ABCA5: variants seen among roughly 807,000 people sequenced by gnomAD.
The protein encoded by ABCA5 is cholesterol transporter ABCA5.
ABCA5 carries 163 observed loss-of-function variants against 206.0 expected under a neutral mutation model. That is an observed-to-expected ratio of 0.79 (90% confidence interval 0.70 to 0.90). The LOEUF (loss-of-function observed/expected upper bound fraction) is 0.90, where lower values mean the gene tolerates loss of function less well. Ranked by LOEUF, ABCA5 falls within the 40% of genes least tolerant of loss-of-function variation. ABCA5 has a pLI of 0.00. For synonymous variants in ABCA5, 609 were observed against 613.8 expected (o/e 0.99, Z 0.11); for missense variants, 1,859 against 1,912.9 (o/e 0.97, Z 0.53).
At chr17:69,258,872 T>C (rs2075113389) in intron 28 of ABCA5, among the ~76,000 whole-genome samples, 2 of 152,094 alleles carry the variant, frequency 1.3e-5, no homozygotes, top group Non-Finnish European at 2.9e-5. Context: ...TGATGAATCA[T>C]GTAAGCAAGG....
intron 35 of ABCA5, 82 bp downstream of exon 35, chr17:69,251,665 A>G (rs1489377354): frequency 2.0e-6 from 3 of 1,516,730 alleles, no homozygotes; most frequent in African/African-American, 2.8e-5. Flanking sequence ...ATTACTAACT[A>G]TTGCCATGTT....
chr17:69,326,547 C>T lies in ABCA5; in HGVS notation c.-16+505G>A, dbSNP rs553917112. ...TGTCATGAGATCTGCGCATTTTCTT[C>T]TCACTGAAACTCCTTTTAACACGCA... On this transcript the variant is annotated intron_variant, in intron 1 of 38. Coordinates refer to ENST00000392676, the MANE Select transcript of ABCA5 (RefSeq NM_172232.4). This position sits in a 1 kb window ranked among gnomAD's most constrained non-coding sequence, Gnocchi z 4.8. Among the ~76,000 whole-genome samples the T allele has an allele frequency of 4.6e-5, 7 of 152,326 alleles. No individual in the cohort carries two copies. The East Asian group carries it at 9.7e-4, about 21-fold the overall frequency.
intron 20 of ABCA5, among the ~76,000 whole-genome samples, chr17:69,273,712 T>C (rs527481684): frequency 6.6e-6 from 1 of 152,150 alleles, no homozygotes; most frequent in East Asian, 1.9e-4. Context: ...CGCCTTGGCC[T>C]CCCAAAGTGC....
chr17:69,278,320 T>G (rs529270056), intron 18 of ABCA5, among the ~76,000 whole-genome samples: 3 of 152,200 alleles, frequency 2.0e-5, no homozygotes, highest in Non-Finnish European at 4.4e-5. Context: ...CTGTATAATA[T>G]CCAACTTTTA....
chr17:69,307,855 T>G (rs547664743), intron 5 of ABCA5, among the ~76,000 whole-genome samples: 10 of 152,246 alleles, frequency 6.6e-5, no homozygotes, highest in African/African-American at 2.2e-4. Flanking sequence ...GACAAGATGG[T>G]TGATATACAT....
chr17:69,266,074 T>C (rs940299586), intron 23 of ABCA5, among the ~76,000 whole-genome samples: 1 of 152,082 alleles, frequency 6.6e-6, no homozygotes, highest in Non-Finnish European at 1.5e-5. Context: ...ATCCATACCA[T>C]GGAATATTAC....
chr17:69,291,782 T>C (rs545503385), intron 11 of ABCA5, among the ~76,000 whole-genome samples: 124 of 152,192 alleles, frequency 8.1e-4, no homozygotes, highest in African/African-American at 2.9e-3. Flanking sequence ...AGACAGGAGA[T>C]GGGGACCTGA....
intron 9 of ABCA5, among the ~76,000 whole-genome samples, chr17:69,298,610 T>C (rs551226): frequency 0.96 from 146,278 of 152,166 alleles, 70,586 homozygotes; most frequent in East Asian, 1. Flanking sequence ...ACACCCTATT[T>C]AACAAATGGT....
At chr17:69,256,456 CTT>C (rs563994135) in intron 28 of ABCA5, among the ~76,000 whole-genome samples, 173 bp from the exon 29 acceptor site, 37 of 137,678 alleles carry the variant, frequency 2.7e-4, no homozygotes, top group Middle Eastern at 3.7e-3. Context: ...TTCTTTCTTT[CTT>C]TTTTTTTTTT....
In ABCA5 at chr17:69,268,160, A is replaced by C. The variant is rs2075232331; in HGVS notation, c.3031-104T>G. 6.9e-6 allele frequency: 4 copies of C among 577,854 alleles called. No homozygotes were observed. In the Admixed American group the frequency reaches 1.3e-4, roughly 19 times the overall value. The allele number at this position is 577,854 out of a possible 1,614,324, so 35.8% of individuals were successfully genotyped here. On this transcript the variant is annotated intron_variant, in intron 22 of 38. Coordinates refer to ENST00000392676, the MANE Select transcript of ABCA5 (RefSeq NM_172232.4). The stretch of plus-strand genomic sequence containing the variant: ...ATCAAAAAAAAATCAAAACCTCAGA[A>C]AGAATGTATTAGAATATCTAACCCA...
chr17:69,292,809 T>C (rs1362180418), intron 11 of ABCA5, among the ~76,000 whole-genome samples: 2 of 152,146 alleles, frequency 1.3e-5, no homozygotes, highest in Admixed American at 6.5e-5. Context: ...ACACTGCTAG[T>C]AGAATTAAAA....
chr17:69,269,045 C>A (rs1010752318), intron 22 of ABCA5, among the ~76,000 whole-genome samples: 1 of 152,098 alleles, frequency 6.6e-6, no homozygotes, highest in Non-Finnish European at 1.5e-5. Context: ...AATGAAGAAA[C>A]AAATTTGAAA....
At chr17:69,303,871 C>T (rs1264644483) in intron 7 of ABCA5, among the ~76,000 whole-genome samples, 3 of 97,148 alleles carry the variant, frequency 3.1e-5, no homozygotes, top group African/African-American at 8.7e-5. Flanking sequence ...TATATATATA[C>T]ATATATACAT....
At position 69,291,192 on chromosome 17, in the gene ABCA5, TTTTC is replaced by T. The variant is rs2075522589; in HGVS notation, c.1606+20_1606+23del. On this transcript the variant is annotated intron_variant, in intron 12 of 38. Transcript: ENST00000392676. ...AAAGAATATATATAATGAAGTTTTT[TTTTC>T]TTTAAGACAGAAAACTCACCATCAG... The T allele has an allele frequency of 5.4e-6, 8 of 1,490,746 alleles. No homozygotes were observed. The highest frequency in any genetic ancestry group is 1.4e-5 in the African/African-American group (1 of 70,386). 92.3% of individuals were successfully genotyped at this position (1,490,746 alleles called of 1,614,324 possible).
chr17:69,287,875 C>A, intron 14 of ABCA5, 124 bp from the exon 15 acceptor site: 2 of 897,840 alleles, frequency 2.2e-6, no homozygotes, highest in South Asian at 7.5e-5. Flanking sequence ...TATATTAGAT[C>A]AGATTTTTTC....
rs1446694955 is a variant in ABCA5, at chr17:69,289,249, G to A, written c.1830C>T (p.Asn610=). ...LDLDMQTIKD[N]QAKKLSGGQK... is the part of the protein sequence containing the mutation. ...GACCACCACTTAATTTTTTAGCTTG[G>A]TTATCTTTGATAGTCTGCATGTCTA... The change falls in exon 14 of 39, where the codon AAC becomes AAT. Residue 610 remains asparagine, a synonymous_variant. Coordinates refer to ENST00000392676, the MANE Select transcript of ABCA5 (RefSeq NM_172232.4). The A allele has an allele frequency of 6.2e-7, 1 of 1,606,254 alleles. No individual in the cohort carries two copies.
At chr17:69,282,242 C>T (rs769081069) in intron 18 of ABCA5, among the ~76,000 whole-genome samples, 6 of 152,136 alleles carry the variant, frequency 3.9e-5, no homozygotes, top group Non-Finnish European at 7.4e-5. Context: ...TTTCCATTTC[C>T]ACTCTTTCAT....
chr17:69,292,867 A>G (rs2075543362), intron 11 of ABCA5, among the ~76,000 whole-genome samples: 1 of 152,228 alleles, frequency 6.6e-6, no homozygotes, highest in Non-Finnish European at 1.5e-5. Context: ...GTATCTAACA[A>G]AGGTCTTGAA....
At chr17:69,261,608 G>T in intron 25 of ABCA5, 27 bp downstream of exon 25, 1 of 1,034,284 alleles carries the variant, frequency 9.7e-7, no homozygotes, top group Non-Finnish European at 1.4e-6. Flanking sequence ...GCTATGGAAA[G>T]TTGAAATAAT....
Sources: allele counts gnomAD v4.1 joint callset (sites outside exome capture counted in the v4.1 genomes callset), GRCh38; gene constraint gnomAD v4.1.1; non-coding constraint Gnocchi (gnomAD v3.1); transcripts MANE v1.5; gene names NCBI Gene and HGNC (gene_info 2026-07-23, HGNC 2026-07-21).